Variants in LRMDA observed in about 807,000 individuals in gnomAD.
LRMDA encodes the protein leucine rich melanocyte differentiation associated, also known as leucine-rich melanocyte differentiation-associated protein.
LRMDA carries 18 observed loss-of-function variants against 29.8 expected under a neutral mutation model. The ratio of observed to expected loss-of-function variants is 0.60; its 90% CI spans 0.42 to 0.90. The LOEUF is 0.90. Among genes scored for constraint, LRMDA ranks in the 40% least tolerant of loss-of-function variants. The probability of loss-of-function intolerance (pLI) is 0.00; values close to 1 mark genes in which losing one functional copy is unlikely to be tolerated. For synonymous variants in LRMDA, 125 were observed against 109.4 expected (o/e 1.14, Z -0.89); for missense variants, 273 against 273.9 (o/e 1.00, Z 0.02).
intron 6 of LRMDA, among the ~76,000 whole-genome samples, chr10:76,524,170 T>C (rs1306985716): frequency 6.6e-6 from 1 of 152,206 alleles, no homozygotes; most frequent in Non-Finnish European, 1.5e-5. Context: ...CAGGTATTTA[T>C]GTTTAATGGA....
In LRMDA at chr10:76,249,081, C is replaced by T. The variant is rs116117788; in HGVS notation, c.517-75320C>T. Among the ~76,000 whole-genome samples the T allele has an allele frequency of 8.0e-3, 1,213 of 152,224 alleles. 14 individuals are homozygous for T. Among genetic ancestry groups the T allele is most frequent in the African/African-American group, 0.028 (1,160 of 41,550 alleles). On this transcript the variant is annotated intron_variant, in intron 5 of 6. Transcript: ENST00000611255. ...TTTACAAGGACTCATATCCTGTTTG[C>T]TATTTAGAGGGGCAATGGAGTGAGA...
chr10:76,337,998 G>A lies in LRMDA; in HGVS notation c.601+13513G>A, dbSNP rs565744152. Among the ~76,000 whole-genome samples, 7 of 150,530 alleles carry A rather than the reference G, an allele frequency of 4.7e-5. No homozygotes were observed. The East Asian group carries it at 1.4e-3, about 30-fold the overall frequency. On this transcript the variant is annotated intron_variant, in intron 6 of 6. Transcript: ENST00000611255. Reference sequence around the variant, plus strand: ...CTTCCTGATAGATTATTTTAACACTGTTTACTGTGACTAAGACAGGAAGCT... The same window carrying A: ...CTTCCTGATAGATTATTTTAACACTATTTACTGTGACTAAGACAGGAAGCT...
intron 5 of LRMDA, among the ~76,000 whole-genome samples, chr10:76,220,530 G>C (rs965028718): frequency 1.3e-5 from 2 of 152,050 alleles, no homozygotes; most frequent in Admixed American, 1.3e-4. Flanking sequence ...GAAGAAATGG[G>C]TAAATTCCTT....
chr10:75,655,418 G>T (rs558141326), intron 2 of LRMDA, among the ~76,000 whole-genome samples: 3 of 152,330 alleles, frequency 2.0e-5, no homozygotes, highest in Non-Finnish European at 4.4e-5. Flanking sequence ...CAGTTCCCTT[G>T]GCAGGTGCCT....
chr10:76,489,697 A>G (rs1348506604), intron 6 of LRMDA, among the ~76,000 whole-genome samples: 1 of 151,868 alleles, frequency 6.6e-6, no homozygotes, highest in Non-Finnish European at 1.5e-5. Flanking sequence ...AGGTTTTGGT[A>G]TGTTGTGCTT....
At chr10:76,222,601 C>T (rs1318782769) in intron 5 of LRMDA, among the ~76,000 whole-genome samples, 1 of 152,068 alleles carries the variant, frequency 6.6e-6, no homozygotes. Context: ...GGATGGCAAT[C>T]ATTAAAAAGT....
chr10:75,733,719 T>C (rs1253774350), intron 2 of LRMDA, among the ~76,000 whole-genome samples: 1 of 152,328 alleles, frequency 6.6e-6, no homozygotes, highest in East Asian at 1.9e-4. Flanking sequence ...CCTCAGGAGT[T>C]AGCAGAGAGA....
chr10:75,457,449 C>T (rs1844532876), intron 2 of LRMDA, among the ~76,000 whole-genome samples: 1 of 152,140 alleles, frequency 6.6e-6, no homozygotes, highest in African/African-American at 2.4e-5. Flanking sequence ...AGTAAGGACT[C>T]GAGGTATGGG....
At chr10:76,548,450 CAAAA>C (rs11340326) in intron 6 of LRMDA, among the ~76,000 whole-genome samples, 11 of 137,688 alleles carry the variant, frequency 8.0e-5, no homozygotes, top group Admixed American at 1.5e-4. Flanking sequence ...TGGCTTGGAC[CAAAA>C]AAAAAAAAAA....
chr10:75,543,372 T>A (rs1295715099), intron 2 of LRMDA, among the ~76,000 whole-genome samples: 1 of 152,202 alleles, frequency 6.6e-6, no homozygotes, highest in East Asian at 1.9e-4. Context: ...ACAAGAGATA[T>A]TACTTTGGAA....
At chr10:76,410,119 A>C (rs1241988648) in intron 6 of LRMDA, among the ~76,000 whole-genome samples, 3 of 152,030 alleles carry the variant, frequency 2.0e-5, no homozygotes, top group African/African-American at 7.2e-5. Context: ...TGTTGAAGGC[A>C]CGGAATTGTA....
intron 5 of LRMDA, among the ~76,000 whole-genome samples, chr10:76,115,226 T>G (rs918761030): frequency 1.3e-5 from 2 of 152,222 alleles, no homozygotes; most frequent in African/African-American, 4.8e-5. Flanking sequence ...CACAAGAAAA[T>G]ACTCCTTTAT....
intron 2 of LRMDA, among the ~76,000 whole-genome samples, chr10:75,942,660 T>C (rs1159888490): frequency 6.6e-6 from 1 of 152,208 alleles, no homozygotes; most frequent in Non-Finnish European, 1.5e-5. Context: ...TTTGCAGTGA[T>C]GCCCTGGAGG....
intron 5 of LRMDA, among the ~76,000 whole-genome samples, chr10:76,220,363 A>G (rs1851808222): frequency 6.6e-6 from 1 of 152,342 alleles, no homozygotes; most frequent in Admixed American, 6.5e-5. Context: ...CAAAATTGAT[A>G]GACCACTAGC....
At chr10:75,909,249 C>G (rs911025399) in intron 2 of LRMDA, among the ~76,000 whole-genome samples, 2 of 152,056 alleles carry the variant, frequency 1.3e-5, no homozygotes, top group Admixed American at 6.6e-5. Flanking sequence ...TTTGAAATAT[C>G]TAGTGAAATA....
chr10:76,201,389 G>T (rs1359330894), intron 5 of LRMDA, among the ~76,000 whole-genome samples: 1 of 152,192 alleles, frequency 6.6e-6, no homozygotes, highest in Non-Finnish European at 1.5e-5. Context: ...CCCACGCCCG[G>T]AGTGGCCCTA....
chr10:76,068,067 C>T (rs1025577910), intron 5 of LRMDA, among the ~76,000 whole-genome samples: 2 of 152,200 alleles, frequency 1.3e-5, no homozygotes, highest in Non-Finnish European at 2.9e-5. Flanking sequence ...TCTGAAGCTG[C>T]CTTCAATGAC....
Position 76,012,450 on chromosome 10 carries a change from G to A in LRMDA, c.132-23558G>A, listed in dbSNP as rs539046835. Among the ~76,000 whole-genome samples the A allele has an allele frequency of 2.6e-5, 4 of 152,258 alleles. No individual in the cohort carries two copies. In the East Asian group the frequency reaches 7.7e-4, roughly 29 times the overall value. The stretch of plus-strand genomic sequence containing the variant: ...TCATTGTGAATTTGAATCCATGGCT[G>A]TGTGTGTGTATCGGGGGTTGGGGGG... On this transcript the variant is annotated intron_variant, in intron 2 of 6. Transcript: ENST00000611255.
intron 6 of LRMDA, among the ~76,000 whole-genome samples, chr10:76,424,084 ACTTTC>A (rs763033548): frequency 2.0e-5 from 3 of 152,102 alleles, no homozygotes; most frequent in Non-Finnish European, 2.9e-5. Flanking sequence ...TGCCATCAAA[ACTTTC>A]CTTTCTGTTT....
Sources: allele counts gnomAD v4.1 joint callset (sites outside exome capture counted in the v4.1 genomes callset), GRCh38; gene constraint gnomAD v4.1.1; transcripts MANE v1.5; gene names NCBI Gene and HGNC (gene_info 2026-07-23, HGNC 2026-07-21).